TRMO: variants seen among roughly 807,000 people sequenced by gnomAD.
The protein encoded by TRMO is tRNA methyltransferase O, also known as tRNA (adenine(37)-N6)-methyltransferase.
Under a neutral mutation model 37.2 loss-of-function variants are expected in TRMO, and 30 were observed. The observed-to-expected ratio is 0.81, with a 90% CI of 0.60 to 1.09. The LOEUF (loss-of-function observed/expected upper bound fraction) is 1.09. TRMO is among the 50% of genes least tolerant of loss of function. The pLI is 0.00. For missense variants in TRMO, 552 were observed against 549.5 expected (o/e 1.00, Z -0.05); for synonymous variants, 239 against 199.4 (o/e 1.20, Z -1.67).
At chr9:97,907,919 G>A (rs1405191995) in intron 4 of TRMO, among the ~76,000 whole-genome samples, 6 of 152,256 alleles carry the variant, frequency 3.9e-5, no homozygotes, top group Non-Finnish European at 2.9e-5. Context: ...GCTGGCTCAT[G>A]TCTTCACCTC....
In TRMO at chr9:97,913,513, T is replaced by C. The variant is rs1229451229; in HGVS notation, c.297A>G (p.Ala99=). ...CATTCAGCCTAGGAGGCTGCACTTT[T>C]GCCTTACAGCTCAAATGACCATTTT... The part of the protein sequence containing the change: ...FHKNGHLSCK[A]KVQPPRLNGA... The change falls in exon 3 of 5, where the codon GCA becomes GCG. Residue 99 remains alanine, a synonymous_variant. Transcript: ENST00000375119. 6.2e-7 allele frequency: 1 copy of C among 1,613,932 alleles called. No homozygotes were observed. Among genetic ancestry groups the C allele is most frequent in the Admixed American group, 1.7e-5 (1 of 59,988 alleles).
chr9:97,922,368 C>T, intron 1 of TRMO, 50 bp downstream of exon 1: 3 of 1,302,714 alleles, frequency 2.3e-6, no homozygotes, highest in South Asian at 1.3e-5. Flanking sequence ...AAGTCCGCTG[C>T]CTGGGCCTAA....
the TRMO span, among the ~76,000 whole-genome samples, chr9:97,898,256 A>C: frequency 1.3e-5 from 2 of 152,224 alleles, no homozygotes; most frequent in African/African-American, 4.8e-5. Flanking sequence ...GAACCTACAA[A>C]GGCAGAGAAG....
At chr9:97,918,786 G>C (rs1195331022) in intron 1 of TRMO, among the ~76,000 whole-genome samples, 1 of 152,060 alleles carries the variant, frequency 6.6e-6, no homozygotes, top group Admixed American at 6.5e-5. Context: ...CCAAAAACTA[G>C]AGCGTTACTA....
intron 1 of TRMO, among the ~76,000 whole-genome samples, chr9:97,918,973 A>C (rs886546588): frequency 6.6e-6 from 1 of 152,240 alleles, no homozygotes; most frequent in African/African-American, 2.4e-5. Context: ...AGATCTATAA[A>C]AACTGGCACC....
downstream of TRMO, among the ~76,000 whole-genome samples, chr9:97,900,441 C>T (rs886210465): frequency 2.0e-5 from 3 of 152,332 alleles, no homozygotes; most frequent in South Asian, 2.1e-4. Flanking sequence ...TGGGAATGGG[C>T]GTTTCTGCCC....
intron 4 of TRMO, 152 bp from the exon 5 acceptor site, chr9:97,905,144 C>T (rs1825806949): frequency 3.5e-6 from 3 of 855,096 alleles, no homozygotes; most frequent in Admixed American, 2.6e-5. Context: ...AGACTGTCAC[C>T]GTCAAGAGGT....
the TRMO span, among the ~76,000 whole-genome samples, chr9:97,896,932 A>G: frequency 1.3e-5 from 2 of 152,252 alleles, no homozygotes; most frequent in South Asian, 2.1e-4. Context: ...CAGAAAATTC[A>G]TAAGGTACTG....
chr9:97,900,858 A>G (rs1322803611), downstream of TRMO: 16 of 287,924 alleles, frequency 5.6e-5, no homozygotes, highest in Non-Finnish European at 6.8e-5. Context: ...AAAAAGTCAC[A>G]AACACAGAAA....
downstream of TRMO, among the ~76,000 whole-genome samples, chr9:97,900,192 A>G (rs1462002752): frequency 6.6e-6 from 1 of 152,268 alleles, no homozygotes; most frequent in Non-Finnish European, 1.5e-5. Flanking sequence ...AATGAAGAGA[A>G]ACACAATAAA....
At position 97,912,931 on chromosome 9, in the gene TRMO, T is replaced by C. The variant is rs565073065; in HGVS notation, c.409+470A>G. On this transcript the variant is annotated intron_variant, in intron 3 of 4. Transcript: ENST00000375119. ...CCCAGACTCCTGCCACACAGCACAG[T>C]TGACATCAGCACTGCAGCCATGATA... 84 of 1,304,596 alleles carry C rather than the reference T, an allele frequency of 6.4e-5. No individual in the cohort carries two copies. The African/African-American group carries it at 1.0e-3, about 16-fold the overall frequency. The allele number at this position is 1,304,596 out of a possible 1,614,324, so 80.8% of individuals were successfully genotyped here. A position where few individuals can be genotyped will look rare whatever the true frequency, so the allele number is the denominator to read the frequency against.
the TRMO span, among the ~76,000 whole-genome samples, chr9:97,896,933 TA>T: frequency 6.6e-6 from 1 of 152,224 alleles, no homozygotes; most frequent in Non-Finnish European, 1.5e-5. Flanking sequence ...AGAAAATTCA[TA>T]AGGTACTGAA....
rs1826612622 is a variant in TRMO at position 97,921,204 on chromosome 9, T to C, written c.76+1214A>G. The stretch of plus-strand genomic sequence containing the variant: ...AGCTTTCTTTTAGAACAATGCAAAC[T>C]GGCAATAACTTAAATGCTCAGTAAC... On this transcript the variant is annotated intron_variant, in intron 1 of 4. Transcript: ENST00000375119. Among the ~76,000 whole-genome samples, 4 of 152,226 alleles carry C rather than the reference T, an allele frequency of 2.6e-5. No homozygotes were observed. In the South Asian group the frequency reaches 8.3e-4, roughly 31 times the overall value.
At chr9:97,904,017 G>C (rs1825750027), downstream of TRMO, among the ~76,000 whole-genome samples, 1 of 152,202 alleles carries the variant, frequency 6.6e-6, no homozygotes, top group Non-Finnish European at 1.5e-5. Context: ...GGGAGGCAGA[G>C]ATTGCAGTGA....
intron 1 of TRMO, among the ~76,000 whole-genome samples, chr9:97,921,103 T>C (rs1826608242): frequency 6.6e-6 from 1 of 152,248 alleles, no homozygotes; most frequent in Non-Finnish European, 1.5e-5. Context: ...TAAGCACATT[T>C]GGCCAGGTAA....
intron 1 of TRMO, among the ~76,000 whole-genome samples, chr9:97,919,740 T>C (rs142242898): frequency 2.8e-3 from 427 of 152,360 alleles, no homozygotes; most frequent in African/African-American, 9.9e-3. Flanking sequence ...ATTACACATA[T>C]GATATGATAA....
downstream of TRMO, among the ~76,000 whole-genome samples, chr9:97,899,848 G>C (rs1181057491): frequency 3.9e-5 from 6 of 151,954 alleles, no homozygotes; most frequent in Non-Finnish European, 7.4e-5. Flanking sequence ...AGCTATGACT[G>C]AGCCACTGCA....
intron 3 of TRMO, chr9:97,911,034 C>A (rs1410486615): frequency 8.8e-6 from 4 of 451,978 alleles, no homozygotes; most frequent in South Asian, 6.4e-5. Context: ...ATCACTGGTG[C>A]TTCTGTTCCA....
the TRMO span, among the ~76,000 whole-genome samples, chr9:97,898,127 CA>C: frequency 1.3e-5 from 2 of 152,308 alleles, no homozygotes; most frequent in Non-Finnish European, 2.9e-5. Flanking sequence ...CACTGAAAAA[CA>C]GAGAGTATAT....
Sources: gnomAD v4.1 joint callset for allele counts (sites outside exome capture counted in the v4.1 genomes callset) on GRCh38, gnomAD v4.1.1 for gene constraint, MANE v1.5 for transcripts, NCBI Gene and HGNC (gene_info 2026-07-23, HGNC 2026-07-21) for gene names.